Variants in CD46 observed in about 807,000 individuals in gnomAD.
CD46 encodes the protein membrane cofactor protein.
Under a neutral mutation model 53.3 loss-of-function variants are expected in CD46, and 30 were observed. The observed-to-expected ratio is 0.56, with a 90% CI of 0.42 to 0.76. The LOEUF (loss-of-function observed/expected upper bound fraction) is 0.76, where lower values mean the gene tolerates loss of function less well. Among genes scored for constraint, CD46 ranks in the 30% least tolerant of loss-of-function variants. CD46 has a pLI of 0.00. For missense variants in CD46, 409 were observed against 463.0 expected (o/e 0.88, Z 1.07); for synonymous variants, 142 against 152.0 (o/e 0.93, Z 0.48).
At chr1:207,776,359 T>A (rs1658105483) in intron 8 of CD46, among the ~76,000 whole-genome samples, 1 of 152,236 alleles carries the variant, frequency 6.6e-6, no homozygotes, top group Admixed American at 6.5e-5. Context: ...CTCCGTGGGC[T>A]GCACTCACTG....
intron 1 of CD46, among the ~76,000 whole-genome samples, chr1:207,753,674 A>AAAAC (rs543626251): frequency 5.9e-5 from 9 of 152,178 alleles, no homozygotes; most frequent in East Asian, 1.9e-4. Context: ...CTGTCAAAAC[A>AAAAC]AAACAAACAA....
At chr1:207,787,314 C>T (rs547317316) in intron 11 of CD46, among the ~76,000 whole-genome samples, 4 of 152,186 alleles carry the variant, frequency 2.6e-5, no homozygotes, top group South Asian at 4.2e-4. Context: ...TCAGGTAATC[C>T]GCCCACCTCG....
chr1:207,778,192 G>T (rs1237498435), intron 8 of CD46, among the ~76,000 whole-genome samples: 1 of 151,968 alleles, frequency 6.6e-6, no homozygotes, highest in Non-Finnish European at 1.5e-5. Context: ...TTAGGCCTTT[G>T]TCAGATGCAT....
Position 207,770,344 on chromosome 1 carries a change from C to A in CD46, c.925C>A (p.Pro309Thr). ...ASGPRPTYKP[P>T]VSNYPGYPKP... ...AGGTCCTAGGCCTACTTACAAGCCT[C>A]CAGTCTCAAATTATCCAGGTTGGTT... Residue 309 changes from proline to threonine, a missense_variant, in exon 8 of 13, where the codon CCA becomes ACA. Coordinates refer to ENST00000367042, the MANE Select transcript of CD46 (RefSeq NM_172351.3). 1 of 1,605,634 alleles carries A rather than the reference C, an allele frequency of 6.2e-7. No individual in the cohort carries two copies. Among genetic ancestry groups the A allele is most frequent in the Non-Finnish European group, 8.5e-7 (1 of 1,172,760 alleles).
At chr1:207,768,025 T>C in intron 7 of CD46, 1 of 565,838 alleles carries the variant, frequency 1.8e-6, no homozygotes, top group Non-Finnish European at 3.1e-6. Context: ...AATATGACCT[T>C]GGGAAAGTTG....
rs778813377 is a variant in CD46, at chr1:207,767,701, A to G, written c.857-78A>G. 1.6e-5 allele frequency: 26 copies of G among 1,588,662 alleles called. No homozygotes were observed. In the East Asian group the frequency reaches 2.2e-4, roughly 14 times the overall value. ...TCTTCTTCCTTATATGTTACAAGATATAAGGAATTCCTGGAGAAATTGCCA... is the reference window on the plus strand; with the variant it reads ...TCTTCTTCCTTATATGTTACAAGATGTAAGGAATTCCTGGAGAAATTGCCA... On this transcript the variant is annotated intron_variant, in intron 6 of 12. Coordinates refer to ENST00000367042, the MANE Select transcript of CD46 (RefSeq NM_172351.3).
At chr1:207,770,633 A>G (rs1021075980) in intron 8 of CD46, among the ~76,000 whole-genome samples, 1 of 151,978 alleles carries the variant, frequency 6.6e-6, no homozygotes, top group Non-Finnish European at 1.5e-5. Context: ...ACTCCTACCT[A>G]TGAGTGAGAA....
rs1660107886 is a variant in CD46, at chr1:207,794,798, GC to G, written c.*1322del. On this transcript the variant is annotated 3_prime_UTR_variant, in exon 13 of 13. Transcript: ENST00000367042. ...CAGTTTCTTTCAAAGAAGCCAGCAG[GC>G]GAAAAGCAGGGACTGCCACTGCATT... 1 of 152,226 alleles carries G rather than the reference GC, an allele frequency of 6.6e-6. No individual in the cohort carries two copies. The highest frequency in any genetic ancestry group is 2.4e-5 in the African/African-American group (1 of 41,448). 9.4% of individuals were successfully genotyped at this position (152,226 alleles called of 1,614,324 possible).
In CD46 at chr1:207,776,839, T is replaced by C. The variant is rs182651949; in HGVS notation, c.944-6453T>C. Reference sequence around the variant, plus strand: ...TTTGTAGAGACAGGGTTTTGCCATGTTGGCAAGTCTTTTCTCCAACTCCTG... The same window carrying C: ...TTTGTAGAGACAGGGTTTTGCCATGCTGGCAAGTCTTTTCTCCAACTCCTG... On this transcript the variant is annotated intron_variant, in intron 8 of 12. Transcript: ENST00000367042. 8.5e-5 allele frequency among the ~76,000 whole-genome samples: 13 copies of C among 152,326 alleles called. No homozygotes were observed. In the East Asian group the frequency reaches 2.5e-3, roughly 29 times the overall value.
chr1:207,793,371 A>G (rs142585037), intron 12 of CD46, 148 bp from the exon 13 acceptor site: 7,736 of 682,394 alleles, frequency 0.011, 82 homozygotes, highest in Non-Finnish European at 0.015. Context: ...AACATTTGAA[A>G]TTATTTTAAA....
At chr1:207,765,052 A>G (rs944541423) in intron 5 of CD46, among the ~76,000 whole-genome samples, 5 of 152,218 alleles carry the variant, frequency 3.3e-5, no homozygotes, top group Non-Finnish European at 7.3e-5. Flanking sequence ...TCAACAAAAT[A>G]TTAGCAAACC....
chr1:207,762,498 A>G (rs752184576), intron 5 of CD46: 1 of 152,214 alleles, frequency 6.6e-6, no homozygotes, highest in African/African-American at 2.4e-5. Flanking sequence ...AGATCAATAA[A>G]GTGTGTAAAC....
Position 207,757,251 on chromosome 1 carries a change from A to G in CD46, c.286+49A>G, listed in dbSNP as rs41317051. ...TTTTCTGCTTGCTCTAGAGATTTGC[A>G]TACATTTTGGGGTACATATTCCACT... is the stretch of plus-strand genomic sequence containing the variant. On this transcript the variant is annotated intron_variant, in intron 2 of 12. Coordinates refer to ENST00000367042, the MANE Select transcript of CD46 (RefSeq NM_172351.3). 5,587 of 1,493,826 alleles carry G rather than the reference A, an allele frequency of 3.7e-3. 191 individuals carry two copies. In the African/African-American group the frequency reaches 0.07, roughly 19 times the overall value. 92.5% of individuals were successfully genotyped at this position (1,493,826 alleles called of 1,614,324 possible).
At chr1:207,767,239 T>C in intron 6 of CD46, 44 bp downstream of exon 6, 1 of 1,517,346 alleles carries the variant, frequency 6.6e-7, no homozygotes, top group Non-Finnish European at 9.2e-7. Flanking sequence ...TTATTGTTGT[T>C]GCTGTTCATT....
At chr1:207,755,480 C>T (rs1290831100) in intron 1 of CD46, among the ~76,000 whole-genome samples, 3 of 152,212 alleles carry the variant, frequency 2.0e-5, no homozygotes, top group Admixed American at 2.0e-4. Context: ...CCTGCCCTCT[C>T]AAAGGTAGTT....
chr1:207,780,027 A>G (rs1428442889), intron 8 of CD46, among the ~76,000 whole-genome samples: 3 of 146,442 alleles, frequency 2.0e-5, no homozygotes. Context: ...TAAACTTTTT[A>G]TCTTATCATT....
chr1:207,756,778 T>G (rs1158311864), intron 1 of CD46, among the ~76,000 whole-genome samples: 1 of 152,248 alleles, frequency 6.6e-6, no homozygotes, highest in African/African-American at 2.4e-5. Flanking sequence ...CTCTTCAGTT[T>G]ATTGTCGAAT....
chr1:207,754,653 C>A (rs1408536361), intron 1 of CD46, among the ~76,000 whole-genome samples: 55 of 152,084 alleles, frequency 3.6e-4, no homozygotes, highest in Admixed American at 3.6e-3. Flanking sequence ...CTTTAAAGAG[C>A]TATGCTCAGG....
chr1:207,782,666 T>G (rs1658868248), intron 8 of CD46, among the ~76,000 whole-genome samples: 1 of 120,084 alleles, frequency 8.3e-6, no homozygotes, highest in African/African-American at 3.0e-5. Context: ...TTTTTTTTTT[T>G]GAGACAGAGT....
Sources: gnomAD v4.1 joint callset for allele counts (sites outside exome capture counted in the v4.1 genomes callset) on GRCh38, gnomAD v4.1.1 for gene constraint, MANE v1.5 for transcripts, NCBI Gene and HGNC (gene_info 2026-07-23, HGNC 2026-07-21) for gene names.